Variants in PRKN observed in about 807,000 individuals in gnomAD.
PRKN encodes the protein E3 ubiquitin-protein ligase parkin.
In PRKN, 56 loss-of-function variants were observed where a neutral mutation model predicts 59.5. That is an observed-to-expected ratio of 0.94 (90% CI 0.76 to 1.18). The LOEUF is 1.18. Among genes scored for constraint, PRKN ranks in the 50% most tolerant of loss-of-function variants. The pLI, the probability that PRKN is intolerant of heterozygous loss-of-function variation, is 0.00. For missense variants in PRKN, 657 were observed against 596.4 expected (o/e 1.10, Z -1.06); for synonymous variants, 250 against 222.1 (o/e 1.13, Z -1.12).
At chr6:161,912,979 C>G (rs1778422337) in intron 6 of PRKN, among the ~76,000 whole-genome samples, 1 of 151,952 alleles carries the variant, frequency 6.6e-6, no homozygotes, top group Non-Finnish European at 1.5e-5. Context: ...GACTTTGAGA[C>G]CAGCCTGGCC....
chr6:162,514,171 A>C (rs1298500639), intron 1 of PRKN, among the ~76,000 whole-genome samples: 1 of 152,226 alleles, frequency 6.6e-6, no homozygotes, highest in Non-Finnish European at 1.5e-5. Context: ...ATAAAATATG[A>C]AAATAGTAAG....
intron 9 of PRKN, among the ~76,000 whole-genome samples, chr6:161,486,490 A>G (rs917539768): frequency 3.3e-5 from 5 of 152,206 alleles, no homozygotes; most frequent in African/African-American, 7.2e-5. Context: ...AGCTTCTCAC[A>G]TAAGAGGTGA....
chr6:162,591,637 T>C (rs147851500), intron 1 of PRKN, among the ~76,000 whole-genome samples: 1,655 of 152,190 alleles, frequency 0.011, 13 homozygotes, highest in Non-Finnish European at 0.016. Flanking sequence ...TTTTCCACAA[T>C]CAATACAATG....
intron 2 of PRKN, among the ~76,000 whole-genome samples, chr6:162,424,607 G>A (rs1049992393): frequency 2.0e-5 from 3 of 151,890 alleles, no homozygotes; most frequent in East Asian, 3.9e-4. Context: ...GTGGTCATGG[G>A]GGCCTGTAAT....
At chr6:161,443,589 AAATT>A (rs1376609307) in intron 9 of PRKN, among the ~76,000 whole-genome samples, 1 of 152,174 alleles carries the variant, frequency 6.6e-6, no homozygotes. Context: ...CACACCATAT[AAATT>A]ATTAATGGTA....
At chr6:162,255,305 T>C (rs1311474750) in intron 3 of PRKN, among the ~76,000 whole-genome samples, 1 of 152,084 alleles carries the variant, frequency 6.6e-6, no homozygotes, top group South Asian at 2.1e-4. Context: ...AGCAAAGGGA[T>C]AACTGAAATG....
chr6:161,732,956 C>T (rs563255925), intron 7 of PRKN, among the ~76,000 whole-genome samples: 1 of 152,250 alleles, frequency 6.6e-6, no homozygotes, highest in Admixed American at 6.5e-5. Flanking sequence ...CCCTTTGGAG[C>T]AACAGCACCA....
intron 6 of PRKN, among the ~76,000 whole-genome samples, chr6:161,902,552 A>ATCTATCTATCTATCTATCTATCTAT (rs1343265664): frequency 8.3e-6 from 1 of 121,092 alleles, no homozygotes; most frequent in East Asian, 2.5e-4. Flanking sequence ...CTATCTATTT[A>ATCTATCTATCTATCTATCTATCTAT]TTTATTTATT....
At chr6:162,126,812 GT>G (rs776183617) in intron 4 of PRKN, among the ~76,000 whole-genome samples, 69 of 149,056 alleles carry the variant, frequency 4.6e-4, no homozygotes, top group Non-Finnish European at 7.9e-4. Context: ...TTTCCTGTTT[GT>G]TTGTTTGTTT....
At chr6:162,577,137 G>C (rs1053397312) in intron 1 of PRKN, among the ~76,000 whole-genome samples, 3 of 151,970 alleles carry the variant, frequency 2.0e-5, no homozygotes, top group Non-Finnish European at 2.9e-5. Flanking sequence ...TAACCAAAGA[G>C]AGTTATATCT....
chr6:162,219,748 C>A (rs1050524645), intron 3 of PRKN, among the ~76,000 whole-genome samples: 1 of 152,056 alleles, frequency 6.6e-6, no homozygotes, highest in Non-Finnish European at 1.5e-5. Flanking sequence ...TGAGTAAATA[C>A]ATTTTAGAGA....
chr6:162,574,516 A>C (rs1780479453), intron 1 of PRKN, among the ~76,000 whole-genome samples: 1 of 152,152 alleles, frequency 6.6e-6, no homozygotes, highest in Admixed American at 6.5e-5. Flanking sequence ...TTACTGATGG[A>C]TCTTCACATT....
intron 2 of PRKN, among the ~76,000 whole-genome samples, chr6:162,428,051 C>A (rs79302323): frequency 0.012 from 1,893 of 152,190 alleles, 46 homozygotes; most frequent in African/African-American, 0.044. Context: ...TGTTTTCCAT[C>A]CCTGGGGTTT....
intron 3 of PRKN, among the ~76,000 whole-genome samples, chr6:162,225,451 T>G (rs1234099262): frequency 6.6e-6 from 1 of 152,216 alleles, no homozygotes; most frequent in Non-Finnish European, 1.5e-5. Context: ...TTTTTAAAGC[T>G]GAGAGATCGG....
chr6:162,504,537 G>C (rs1411578894), intron 1 of PRKN, among the ~76,000 whole-genome samples: 2 of 152,196 alleles, frequency 1.3e-5, no homozygotes, highest in Non-Finnish European at 2.9e-5. Flanking sequence ...GTGTACGACA[G>C]ATACAGCATT....
At chr6:162,328,373 G>A (rs1056041779) in intron 2 of PRKN, among the ~76,000 whole-genome samples, 2 of 152,104 alleles carry the variant, frequency 1.3e-5, no homozygotes, top group East Asian at 1.9e-4. Flanking sequence ...TCAAAAAAAC[G>A]AACAAACAAA....
At chr6:162,006,593 T>A (rs1394812374) in intron 5 of PRKN, among the ~76,000 whole-genome samples, 2 of 152,196 alleles carry the variant, frequency 1.3e-5, no homozygotes, top group African/African-American at 2.4e-5. Flanking sequence ...CAAAGCACTG[T>A]CCTCCTTTCA....
intron 2 of PRKN, among the ~76,000 whole-genome samples, chr6:162,355,982 G>A (rs1784841060): frequency 6.6e-6 from 1 of 152,084 alleles, no homozygotes; most frequent in Non-Finnish European, 1.5e-5. Flanking sequence ...CCATCTATAG[G>A]TTGATACAGG....
chr6:161,877,783 A>G (rs1794790672), intron 6 of PRKN, among the ~76,000 whole-genome samples: 1 of 152,020 alleles, frequency 6.6e-6, no homozygotes, highest in African/African-American at 2.4e-5. Context: ...TTGCATTTTA[A>G]AAAGAGCTTT....
Sources: gnomAD v4.1 joint callset for allele counts (sites outside exome capture counted in the v4.1 genomes callset) on GRCh38, gnomAD v4.1.1 for gene constraint, MANE v1.5 for transcripts, NCBI Gene and HGNC (gene_info 2026-07-23, HGNC 2026-07-21) for gene names.